The following OSBPL2 variants were observed in gnomAD, a reference collection of about 807,000 sequenced individuals.
The protein encoded by OSBPL2 is oxysterol-binding protein-related protein 2.
A neutral mutation model predicts 58.4 loss-of-function variants in OSBPL2; 18 were observed. That is an observed-to-expected ratio of 0.31 (90% CI 0.21 to 0.46). The LOEUF is 0.46. OSBPL2 is among the 20% of genes least tolerant of loss of function. The probability of loss-of-function intolerance (pLI) is 1.00; values close to 1 mark genes in which losing one functional copy is unlikely to be tolerated. For missense variants in OSBPL2, 461 were observed against 616.5 expected, an observed-to-expected ratio of 0.75 and a Z score of 2.67; for synonymous variants, 221 against 234.1, an observed-to-expected ratio of 0.94 and a Z score of 0.51.
chr20:62,271,724 T>G (rs1032291773), intron 4 of OSBPL2: 3 of 185,874 alleles, frequency 1.6e-5, no homozygotes, highest in Non-Finnish European at 2.2e-5. Context: ...GGTGCTTGGA[T>G]TTTAGGTGTG....
At chr20:62,273,517 T>G (rs1231026116) in intron 6 of OSBPL2, 111 bp downstream of exon 6, 1 of 892,572 alleles carries the variant, frequency 1.1e-6, no homozygotes, top group Non-Finnish European at 1.7e-6. Flanking sequence ...AATAAACTGT[T>G]TGAATTAAGA....
chr20:62,284,236 C>A, intron 10 of OSBPL2, 67 bp downstream of exon 10: 1 of 1,602,022 alleles, frequency 6.2e-7, no homozygotes, highest in Non-Finnish European at 8.5e-7. Flanking sequence ...GCCGCTGCTG[C>A]CTTTAGCTCA....
chr20:62,289,396 C>T, intron 12 of OSBPL2, 66 bp downstream of exon 12: 1 of 1,555,806 alleles, frequency 6.4e-7, no homozygotes, highest in Non-Finnish European at 8.7e-7. Flanking sequence ...TGGGAGAGCA[C>T]AAAGCACTCG....
rs1980902453 is a variant in OSBPL2, at chr20:62,256,103, C to A, written c.-82C>A. The A allele has an allele frequency of 6.6e-7, 1 of 1,507,948 alleles. No individual in the cohort carries two copies. The highest frequency in any genetic ancestry group is 1.9e-5 in the Admixed American group (1 of 53,150). The allele number at this position is 1,507,948 out of a possible 1,614,324, so 93.4% of individuals were successfully genotyped here. ...TTTCCAAGAGAAAGTTTGTAAAATTCCTTACACTGTAGATGTGGATCAGAT... is the reference window on the plus strand; with the variant it reads ...TTTCCAAGAGAAAGTTTGTAAAATTACTTACACTGTAGATGTGGATCAGAT... On this transcript the variant is annotated 5_prime_UTR_variant, in exon 2 of 14. Coordinates refer to ENST00000313733, the MANE Select transcript of OSBPL2 (RefSeq NM_144498.4).
chr20:62,255,550 C>T (rs1482040810), intron 1 of OSBPL2, among the ~76,000 whole-genome samples: 1 of 152,222 alleles, frequency 6.6e-6, no homozygotes, highest in African/African-American at 2.4e-5. Flanking sequence ...GTCACCCAGG[C>T]TGAAGTGCCG....
At chr20:62,258,216 C>T (rs1981061016) in intron 2 of OSBPL2, among the ~76,000 whole-genome samples, 1 of 152,124 alleles carries the variant, frequency 6.6e-6, no homozygotes, top group African/African-American at 2.4e-5. Context: ...AAGAATTTTC[C>T]CCCTCAGTTC....
chr20:62,266,201 G>A (rs955954908), intron 4 of OSBPL2, among the ~76,000 whole-genome samples: 2 of 152,170 alleles, frequency 1.3e-5, no homozygotes, highest in African/African-American at 4.8e-5. Context: ...CATTCCCTAG[G>A]TGAGGGTTGT....
rs148241732 is a variant in OSBPL2 at position 62,273,114 on chromosome 20, G to A, written c.394-195G>A. Among the ~76,000 whole-genome samples, 52 of 152,286 alleles carry A rather than the reference G, an allele frequency of 3.4e-4. No homozygotes were observed. In the East Asian group the frequency reaches 8.5e-3, roughly 25 times the overall value. On this transcript the variant is annotated intron_variant, in intron 5 of 13. Coordinates refer to ENST00000313733, the MANE Select transcript of OSBPL2 (RefSeq NM_144498.4). ...CCCAGTTCCTTCTTTCTGTGCTGTC[G>A]GGGGAGTGGCGGGTGATGAAGGGCA...
chr20:62,281,899 T>G lies in OSBPL2; in HGVS notation c.872+20T>G, dbSNP rs1286293503. The G allele has an allele frequency of 1.3e-6, 2 of 1,533,610 alleles. No individual in the cohort carries two copies. On this transcript the variant is annotated intron_variant, in intron 9 of 13. Transcript: ENST00000313733. ...CAAAAAGTAGGTCCTTGCCAAGTGT[T>G]CATGGGGCACCACTACAGCCTGTGT...
At chr20:62,239,295 AG>A (rs1488137758) in intron 1 of OSBPL2, among the ~76,000 whole-genome samples, 1 of 152,246 alleles carries the variant, frequency 6.6e-6, no homozygotes, top group Non-Finnish European at 1.5e-5. Flanking sequence ...TAATTTTAAG[AG>A]GTTCCTTCTT....
rs116199500 is a variant in OSBPL2, at chr20:62,274,344, C to T, written c.491+938C>T. 3.5e-3 allele frequency among the ~76,000 whole-genome samples: 539 copies of T among 152,266 alleles called. 2 individuals carry two copies. Among genetic ancestry groups the T allele is most frequent in the African/African-American group, 0.012 (505 of 41,556 alleles). ...CCATTGAGCAGCCTGGCTGGGGCTCCGGGGAGCTGTGGATGAGAGGGATGT... is the reference window on the plus strand; with the variant it reads ...CCATTGAGCAGCCTGGCTGGGGCTCTGGGGAGCTGTGGATGAGAGGGATGT... On this transcript the variant is annotated intron_variant, in intron 6 of 13. Transcript: ENST00000313733.
rs989117606 is a variant in OSBPL2, at chr20:62,281,335, G to C, written c.782+170G>C. On this transcript the variant is annotated intron_variant, in intron 8 of 13. Coordinates refer to ENST00000313733, the MANE Select transcript of OSBPL2 (RefSeq NM_144498.4). ...CTGCCTAGACTTGACTCTGACCGGT[G>C]TTGGCCATGAATGCTCCTCGTTCAA... 6.8e-6 allele frequency: 4 copies of C among 588,226 alleles called. No individual in the cohort carries two copies. In the African/African-American group the frequency reaches 7.4e-5, roughly 11 times the overall value. The allele number at this position is 588,226 out of a possible 1,614,324, so 36.4% of individuals were successfully genotyped here.
chr20:62,246,052 C>T (rs1297430991), intron 1 of OSBPL2, among the ~76,000 whole-genome samples: 2 of 152,226 alleles, frequency 1.3e-5, no homozygotes, highest in East Asian at 1.9e-4. Flanking sequence ...GTAGCTGTGG[C>T]GCGGGGCCGG....
At chr20:62,277,648 A>T (rs1982471943) in intron 6 of OSBPL2, among the ~76,000 whole-genome samples, 1 of 152,254 alleles carries the variant, frequency 6.6e-6, no homozygotes, top group African/African-American at 2.4e-5. Flanking sequence ...TCAGACAAGT[A>T]TTCATTTTGT....
At chr20:62,268,883 C>T (rs1315663644) in intron 4 of OSBPL2, among the ~76,000 whole-genome samples, 1 of 152,166 alleles carries the variant, frequency 6.6e-6, no homozygotes, top group African/African-American at 2.4e-5. Context: ...TAGTGAAACC[C>T]TGTCTCTACT....
intron 7 of OSBPL2, 84 bp downstream of exon 7, chr20:62,279,423 A>C: frequency 7.2e-7 from 1 of 1,390,228 alleles, no homozygotes; most frequent in South Asian, 1.3e-5. Flanking sequence ...AGCTTCCTTC[A>C]GGAGGAAACC....
Position 62,279,657 on chromosome 20 carries a change from G to A in OSBPL2, c.674+318G>A, listed in dbSNP as rs1982651390. 7 of 422,374 alleles carry A rather than the reference G, an allele frequency of 1.7e-5. 1 individual carries two copies. In the South Asian group the frequency reaches 1.8e-4, roughly 11 times the overall value. 26.2% of individuals were successfully genotyped at this position (422,374 alleles called of 1,614,324 possible). A position where few individuals can be genotyped will look rare whatever the true frequency, so the allele number is the denominator to read the frequency against. On this transcript the variant is annotated intron_variant, in intron 7 of 13. Transcript: ENST00000313733. ...ACCCCGCTTTCCGGCATCATTCATTGTATTTCTTGTCTTTTGCTGCATAAC... is the reference window on the plus strand; with the variant it reads ...ACCCCGCTTTCCGGCATCATTCATTATATTTCTTGTCTTTTGCTGCATAAC...
intron 8 of OSBPL2, 103 bp from the exon 9 acceptor site, chr20:62,281,687 C>A: frequency 1.3e-6 from 1 of 797,868 alleles, no homozygotes. Flanking sequence ...CAGTCACCCC[C>A]CGCCTGCCCC....
Position 62,272,522 on chromosome 20 carries a change from G to A in OSBPL2, c.393+263G>A, listed in dbSNP as rs1016565585. Among the ~76,000 whole-genome samples, 12 of 152,338 alleles carry A rather than the reference G, an allele frequency of 7.9e-5. No individual in the cohort carries two copies. The East Asian group carries it at 2.3e-3, about 29-fold the overall frequency. ...TCCTGCCGGGAGACTCCGCCTCTTG[G>A]AGCTGAAGGTGGCGGTGGGCTCTGC... On this transcript the variant is annotated intron_variant, in intron 5 of 13. Transcript: ENST00000313733.
Sources: gnomAD v4.1 joint callset for allele counts (sites outside exome capture counted in the v4.1 genomes callset) on GRCh38, gnomAD v4.1.1 for gene constraint, MANE v1.5 for transcripts, NCBI Gene and HGNC (gene_info 2026-07-23, HGNC 2026-07-21) for gene names.